SGCZ: variants seen among roughly 807,000 people sequenced by gnomAD.
SGCZ encodes the protein sarcoglycan zeta.
SGCZ carries 40 observed loss-of-function variants against 41.3 expected under a neutral mutation model. The observed-to-expected ratio is 0.97, with a 90% confidence interval of 0.75 to 1.26. The LOEUF (loss-of-function observed/expected upper bound fraction) is 1.26. SGCZ is among the 50% of genes most tolerant of loss of function. SGCZ has a pLI of 0.00. For synonymous variants in SGCZ, 206 were observed against 137.5 expected, an observed-to-expected ratio of 1.50 and a Z score of -3.49; for missense variants, 552 against 369.8, an observed-to-expected ratio of 1.49 and a Z score of -4.04.
rs192043488 is a variant in SGCZ, at chr8:14,832,545, G to C, written c.40-277619C>G. 4.9e-3 allele frequency among the ~76,000 whole-genome samples: 738 copies of C among 152,154 alleles called. 2 individuals are homozygous for C. The highest frequency in any genetic ancestry group is 0.027 in the Middle Eastern group (8 of 294). On this transcript the variant is annotated intron_variant, in intron 1 of 7. Coordinates refer to ENST00000382080, the MANE Select transcript of SGCZ (RefSeq NM_139167.4). The stretch of plus-strand genomic sequence containing the variant: ...TTTCCTTCTGTGTAAATTTGTAATT[G>C]AAGATAGAAAAAGCTAACACATATA...
At chr8:14,946,053 TATG>T in intron 1 of SGCZ, among the ~76,000 whole-genome samples, 1 of 97,252 alleles carries the variant, frequency 1.0e-5, no homozygotes, top group East Asian at 3.2e-4. Flanking sequence ...TATATATATA[TATG>T]AATCATTCTG....
At chr8:14,611,233 T>A (rs1043018095) in intron 1 of SGCZ, among the ~76,000 whole-genome samples, 1 of 152,158 alleles carries the variant, frequency 6.6e-6, no homozygotes, top group African/African-American at 2.4e-5. Flanking sequence ...TTTTCAAATA[T>A]CTTTATATTT....
At chr8:15,217,455 CTTTT>C (rs796146748) in intron 1 of SGCZ, among the ~76,000 whole-genome samples, 2 of 141,458 alleles carry the variant, frequency 1.4e-5, no homozygotes, top group East Asian at 4.1e-4. Flanking sequence ...AAAAATACCT[CTTTT>C]TTTTTTTTTT....
intron 2 of SGCZ, among the ~76,000 whole-genome samples, chr8:14,457,932 TTTGTC>T (rs1184459913): frequency 8.5e-5 from 13 of 152,086 alleles, no homozygotes. Flanking sequence ...CTCTTGTCTC[TTTGTC>T]TTGTGTCTTT....
intron 1 of SGCZ, among the ~76,000 whole-genome samples, chr8:14,949,678 A>G (rs1396838549): frequency 6.6e-6 from 1 of 152,078 alleles, no homozygotes; most frequent in Non-Finnish European, 1.5e-5. Context: ...TTTGGCCTAA[A>G]TAAAGGCAAA....
At chr8:14,634,709 C>T (rs1055223223) in intron 1 of SGCZ, among the ~76,000 whole-genome samples, 5 of 151,718 alleles carry the variant, frequency 3.3e-5, no homozygotes, top group Admixed American at 3.3e-4. Flanking sequence ...GACTCTCAGA[C>T]ACATACGGAA....
chr8:14,793,162 G>T (rs1216090105), intron 1 of SGCZ, among the ~76,000 whole-genome samples: 4 of 152,012 alleles, frequency 2.6e-5, no homozygotes, highest in African/African-American at 7.2e-5. Flanking sequence ...CCCAATATTT[G>T]TCACATGAAA....
chr8:14,871,335 C>G (rs1292190199), intron 1 of SGCZ, among the ~76,000 whole-genome samples: 1 of 152,080 alleles, frequency 6.6e-6, no homozygotes, highest in African/African-American at 2.4e-5. Context: ...TGTGACTCCT[C>G]AAGGATCTAG....
At chr8:14,539,505 C>A (rs1269880976) in intron 2 of SGCZ, among the ~76,000 whole-genome samples, 2 of 151,826 alleles carry the variant, frequency 1.3e-5, no homozygotes, top group Middle Eastern at 3.4e-3. Context: ...TCTCCAGCAA[C>A]TGTTTTTTTG....
intron 1 of SGCZ, among the ~76,000 whole-genome samples, chr8:14,939,789 T>C (rs1238100143): frequency 5.3e-5 from 8 of 152,040 alleles, no homozygotes; most frequent in Admixed American, 5.2e-4. Flanking sequence ...GCTTCTACAA[T>C]TTCCACTCAC....
chr8:15,236,982 G>T (rs1802146087), intron 1 of SGCZ, among the ~76,000 whole-genome samples: 1 of 152,178 alleles, frequency 6.6e-6, no homozygotes, highest in Non-Finnish European at 1.5e-5. Flanking sequence ...CGGCAGCGGG[G>T]GTACCTCTCC....
chr8:14,539,542 C>CT (rs201971498), intron 2 of SGCZ, among the ~76,000 whole-genome samples: 1 of 151,244 alleles, frequency 6.6e-6, no homozygotes, highest in East Asian at 1.9e-4. Flanking sequence ...TCATTTTTTG[C>CT]TTTTTTTTAA....
chr8:14,136,875 T>C (rs1312992534), intron 5 of SGCZ, among the ~76,000 whole-genome samples: 1 of 151,976 alleles, frequency 6.6e-6, no homozygotes, highest in Non-Finnish European at 1.5e-5. Context: ...CCCTCAGTAG[T>C]CTAAATGGGA....
chr8:14,425,733 T>C (rs1242788250), intron 2 of SGCZ, among the ~76,000 whole-genome samples: 1 of 152,220 alleles, frequency 6.6e-6, no homozygotes, highest in Non-Finnish European at 1.5e-5. Flanking sequence ...CTATGTTTCT[T>C]AGTTTTTAGG....
At chr8:14,552,113 G>A (rs1194760964) in intron 2 of SGCZ, among the ~76,000 whole-genome samples, 3 of 151,986 alleles carry the variant, frequency 2.0e-5, no homozygotes, top group Admixed American at 6.6e-5. Context: ...ACTATAGTGT[G>A]GCAACTAGTC....
At chr8:14,598,728 C>A (rs1805494527) in intron 1 of SGCZ, among the ~76,000 whole-genome samples, 1 of 151,898 alleles carries the variant, frequency 6.6e-6, no homozygotes, top group African/African-American at 2.4e-5. Flanking sequence ...TATGTTTTTG[C>A]CAAGTAGCCC....
chr8:14,801,340 T>G (rs1026364197), intron 1 of SGCZ, among the ~76,000 whole-genome samples: 1 of 152,232 alleles, frequency 6.6e-6, no homozygotes, highest in Non-Finnish European at 1.5e-5. Flanking sequence ...ACTAAGGAAA[T>G]GAATCATTTT....
At chr8:14,315,521 G>A (rs371396644) in intron 3 of SGCZ, among the ~76,000 whole-genome samples, 25 of 152,000 alleles carry the variant, frequency 1.6e-4, no homozygotes, top group African/African-American at 5.3e-4. Context: ...GTTAACCCAC[G>A]CACAATTTAA....
intron 1 of SGCZ, among the ~76,000 whole-genome samples, chr8:14,844,885 A>G (rs919718605): frequency 7.9e-5 from 12 of 152,182 alleles, no homozygotes; most frequent in Admixed American, 7.2e-4. Context: ...TTACAATGCA[A>G]GTCTCATCTT....
Sources: allele counts gnomAD v4.1 joint callset (sites outside exome capture counted in the v4.1 genomes callset), GRCh38; gene constraint gnomAD v4.1.1; transcripts MANE v1.5; gene names NCBI Gene and HGNC (gene_info 2026-07-23, HGNC 2026-07-21).